Variants in ZRANB3 observed in about 807,000 individuals in gnomAD.
The protein encoded by ZRANB3 is DNA annealing helicase and endonuclease ZRANB3.
Under a neutral mutation model 133.8 loss-of-function variants are expected in ZRANB3, and 125 were observed. The observed-to-expected ratio is 0.93, with a 90% CI of 0.81 to 1.08. The LOEUF (loss-of-function observed/expected upper bound fraction) is 1.08, where lower values mean the gene tolerates loss of function less well. Among genes scored for constraint, ZRANB3 ranks in the 50% least tolerant of loss-of-function variants. The probability of loss-of-function intolerance (pLI) is 0.00; values close to 1 mark genes in which losing one functional copy is unlikely to be tolerated. For synonymous variants in ZRANB3, 387 were observed against 432.7 expected, an observed-to-expected ratio of 0.89 and a Z score of 1.31; for missense variants, 1,229 against 1,275.5, an observed-to-expected ratio of 0.96 and a Z score of 0.56.
intron 3 of ZRANB3, among the ~76,000 whole-genome samples, chr2:135,371,704 C>G (rs1384852569): frequency 6.6e-6 from 1 of 152,202 alleles, no homozygotes; most frequent in Non-Finnish European, 1.5e-5. Flanking sequence ...CAAGAATACT[C>G]TATGCTAGAC....
chr2:135,418,860 A>AATGAAGG (rs1469941351), intron 2 of ZRANB3, among the ~76,000 whole-genome samples: 2 of 151,752 alleles, frequency 1.3e-5, no homozygotes, highest in Non-Finnish European at 2.9e-5. Flanking sequence ...GAGAGTTGAC[A>AATGAAGG]ATGAAGGTTT....
rs146686334 is a variant in ZRANB3 at position 135,250,506 on chromosome 2, G to A, written c.1539+15028C>T. On this transcript the variant is annotated intron_variant, in intron 12 of 20. Transcript: ENST00000264159. ...ACAGACCTTCATGGTAGGCCCTCCC[G>A]TCACAGGCCAGGAGGCCCAGGAGGA... Among the ~76,000 whole-genome samples, 14 of 152,306 alleles carry A rather than the reference G, an allele frequency of 9.2e-5. No homozygotes were observed. The East Asian group carries it at 1.5e-3, about 17-fold the overall frequency.
At chr2:135,484,612 G>A (rs1427645629) in intron 2 of ZRANB3, among the ~76,000 whole-genome samples, 2 of 151,112 alleles carry the variant, frequency 1.3e-5, no homozygotes, top group South Asian at 2.1e-4. Flanking sequence ...AAAAAATTGG[G>A]AGAAATCTAA....
intron 3 of ZRANB3, among the ~76,000 whole-genome samples, chr2:135,374,598 T>C (rs926946650): frequency 6.7e-6 from 1 of 150,268 alleles, no homozygotes; most frequent in African/African-American, 2.5e-5. Context: ...GCTTCCCAGG[T>C]TCAAGCAATT....
intron 6 of ZRANB3, among the ~76,000 whole-genome samples, chr2:135,320,508 C>G (rs1039913363): frequency 6.6e-6 from 1 of 152,158 alleles, no homozygotes; most frequent in Non-Finnish European, 1.5e-5. Context: ...TAATTATTTT[C>G]TCATTCAGTT....
intron 8 of ZRANB3, among the ~76,000 whole-genome samples, chr2:135,301,195 T>A (rs554262046): frequency 1.3e-3 from 191 of 151,570 alleles, no homozygotes; most frequent in African/African-American, 2.1e-3. Flanking sequence ...ATTTTTTTTT[T>A]TTTTTTTGAG....
In ZRANB3 at chr2:135,228,056, A is replaced by T. The variant is rs756154594; in HGVS notation, c.1955-41T>A. 2.3e-5 allele frequency: 33 copies of T among 1,427,668 alleles called. No individual in the cohort carries two copies. In the East Asian group the frequency reaches 8.0e-4, roughly 35 times the overall value. The allele number at this position is 1,427,668 out of a possible 1,614,324, so 88.4% of individuals were successfully genotyped here. On this transcript the variant is annotated intron_variant, in intron 13 of 20. Coordinates refer to ENST00000264159, the MANE Select transcript of ZRANB3 (RefSeq NM_032143.4). ...TTATTACAAAAATGTAATAATTTAC[A>T]TTTAAAAGTAAAGTAAAAAGAATGT...
chr2:135,421,056 A>T (rs1440378169), intron 2 of ZRANB3, among the ~76,000 whole-genome samples: 4 of 152,174 alleles, frequency 2.6e-5, no homozygotes, highest in African/African-American at 9.6e-5. Flanking sequence ...TTGTAAGTGG[A>T]TGATTAATGT....
At chr2:135,520,070 T>C (rs1693863378) in intron 1 of ZRANB3, among the ~76,000 whole-genome samples, 1 of 148,176 alleles carries the variant, frequency 6.7e-6, no homozygotes, top group Admixed American at 6.8e-5. Flanking sequence ...ATCTTTTTTT[T>C]CCACTTAAAT....
At chr2:135,385,623 G>A (rs1228027101) in intron 3 of ZRANB3, among the ~76,000 whole-genome samples, 1 of 152,122 alleles carries the variant, frequency 6.6e-6, no homozygotes, top group African/African-American at 2.4e-5. Context: ...CAGCATGGTA[G>A]TGGTACCAAA....
chr2:135,460,419 G>A (rs979818586), intron 2 of ZRANB3, among the ~76,000 whole-genome samples: 2 of 151,830 alleles, frequency 1.3e-5, no homozygotes, highest in African/African-American at 4.8e-5. Flanking sequence ...CCGCCACCAC[G>A]CCCAGCTAAT....
chr2:135,242,683 T>A lies in ZRANB3; in HGVS notation c.1540-11756A>T, dbSNP rs16831481. 1.4e-4 allele frequency among the ~76,000 whole-genome samples: 22 copies of A among 151,910 alleles called. 1 individual carries two copies. Among genetic ancestry groups the A allele is most frequent in the Admixed American group, 2.0e-4 (3 of 15,270 alleles). ...TCTTCCTCTATCTTATCTTTCTAGA[T>A]CTCCTATTAGGAAAAAAGCTTCTGA... On this transcript the variant is annotated intron_variant, in intron 12 of 20. Coordinates refer to ENST00000264159, the MANE Select transcript of ZRANB3 (RefSeq NM_032143.4).
chr2:135,380,325 T>C (rs1200702605), intron 3 of ZRANB3, among the ~76,000 whole-genome samples: 2 of 152,188 alleles, frequency 1.3e-5, no homozygotes, highest in African/African-American at 4.8e-5. Flanking sequence ...AATAGACATC[T>C]ACAGAACTCT....
At chr2:135,401,830 A>T (rs1248500119) in intron 2 of ZRANB3, among the ~76,000 whole-genome samples, 3 of 152,086 alleles carry the variant, frequency 2.0e-5, no homozygotes, top group Non-Finnish European at 4.4e-5. Context: ...GTGCAGCTGA[A>T]CTCAATTCCT....
Position 135,390,833 on chromosome 2 carries a change from A to T in ZRANB3, c.162-13T>A, listed in dbSNP as rs753216359. The T allele has an allele frequency of 9.1e-5, 137 of 1,506,020 alleles. No homozygotes were observed. Among genetic ancestry groups the T allele is most frequent in the African/African-American group, 8.3e-4 (57 of 68,842 alleles). 93.3% of individuals were successfully genotyped at this position (1,506,020 alleles called of 1,614,324 possible). ...AGCCACCATACACCTGGAAAAAAAA[A>T]AAAAAAAAAATTAATTATCAGAGTG... On this transcript the variant is annotated splice_polypyrimidine_tract_variant and intron_variant, in intron 2 of 20. Transcript: ENST00000264159.
At chr2:135,370,989 A>T (rs535208992) in intron 3 of ZRANB3, among the ~76,000 whole-genome samples, 1 of 152,322 alleles carries the variant, frequency 6.6e-6, no homozygotes, top group African/African-American at 2.4e-5. Context: ...GCCTTCTGCC[A>T]TAACCTTAAG....
At chr2:135,299,697 A>G (rs868288343) in intron 8 of ZRANB3, among the ~76,000 whole-genome samples, 141 of 152,352 alleles carry the variant, frequency 9.3e-4, no homozygotes, top group African/African-American at 3.0e-3. Flanking sequence ...GATAACAAAC[A>G]TACTTAAAAT....
chr2:135,389,676 G>A (rs995282718), intron 3 of ZRANB3, among the ~76,000 whole-genome samples: 1 of 152,108 alleles, frequency 6.6e-6, no homozygotes, highest in Admixed American at 6.6e-5. Context: ...TTGCACTGCA[G>A]CCTGGGCGAC....
intron 2 of ZRANB3, among the ~76,000 whole-genome samples, chr2:135,436,520 C>CA (rs1274410118): frequency 6.6e-6 from 1 of 152,068 alleles, no homozygotes; most frequent in Non-Finnish European, 1.5e-5. Flanking sequence ...ACAACTACCA[C>CA]AAAAAGAATA....
Sources: allele counts gnomAD v4.1 joint callset (sites outside exome capture counted in the v4.1 genomes callset), GRCh38; gene constraint gnomAD v4.1.1; transcripts MANE v1.5; gene names NCBI Gene and HGNC (gene_info 2026-07-23, HGNC 2026-07-21).